The following KCNAB1 variants were observed in gnomAD, a reference collection of about 807,000 sequenced individuals.
KCNAB1 encodes the protein potassium voltage-gated channel subfamily A regulatory beta subunit 1, also known as voltage-gated potassium channel subunit beta-1.
Under a neutral mutation model 64.6 loss-of-function variants are expected in KCNAB1, and 35 were observed. The observed-to-expected ratio is 0.54, with a 90% confidence interval of 0.41 to 0.72. The LOEUF (loss-of-function observed/expected upper bound fraction) is 0.72. Ranked by LOEUF, KCNAB1 falls within the 30% of genes least tolerant of loss-of-function variation. The pLI, the probability that KCNAB1 is intolerant of heterozygous loss-of-function variation, is 0.00. For missense variants in KCNAB1, 401 were observed against 512.9 expected (o/e 0.78, Z 2.11); for synonymous variants, 177 against 183.8 (o/e 0.96, Z 0.30).
intron 1 of KCNAB1, among the ~76,000 whole-genome samples, chr3:156,271,222 A>C (rs536433488): frequency 1.3e-5 from 2 of 151,970 alleles, no homozygotes; most frequent in Non-Finnish European, 2.9e-5. Context: ...GAGTATTGAT[A>C]TCTCTCTCTA....
intron 2 of KCNAB1, among the ~76,000 whole-genome samples, chr3:156,429,233 G>A (rs960700707): frequency 6.6e-6 from 1 of 152,222 alleles, no homozygotes; most frequent in African/African-American, 2.4e-5. Context: ...ATAGAAAAAT[G>A]TGTGAACTGA....
At chr3:156,354,118 G>GTATATATA (rs1281835113) in intron 1 of KCNAB1, among the ~76,000 whole-genome samples, 2 of 99,950 alleles carry the variant, frequency 2.0e-5, no homozygotes, top group Non-Finnish European at 4.2e-5. Flanking sequence ...ATATGTGTGT[G>GTATATATA]TGTATATATA....
intron 1 of KCNAB1, among the ~76,000 whole-genome samples, chr3:156,372,077 A>C (rs1043945974): frequency 3.3e-5 from 5 of 152,282 alleles, no homozygotes; most frequent in African/African-American, 9.6e-5. Flanking sequence ...GGTTTAGAGG[A>C]CCTTACTGGT....
chr3:156,395,109 C>T lies in KCNAB1; in HGVS notation c.276-26507C>T, dbSNP rs142778504. On this transcript the variant is annotated intron_variant, in intron 1 of 13. Transcript: ENST00000490337. ...CTAATAGACCTGTGCTCTTTAATCC[C>T]AAGAGTGTTGTGATCGTTTTTCCAG... Among the ~76,000 whole-genome samples, 85 of 152,240 alleles carry T rather than the reference C, an allele frequency of 5.6e-4. No homozygotes were observed. The East Asian group carries it at 0.012, about 22-fold the overall frequency.
chr3:156,302,219 T>A (rs1721197868), intron 1 of KCNAB1, among the ~76,000 whole-genome samples: 1 of 152,200 alleles, frequency 6.6e-6, no homozygotes, highest in African/African-American at 2.4e-5. Flanking sequence ...CTTAAAGGAC[T>A]GCTGTGATAA....
chr3:156,413,947 A>G (rs890550594), intron 1 of KCNAB1, among the ~76,000 whole-genome samples: 1 of 152,232 alleles, frequency 6.6e-6, no homozygotes, highest in Non-Finnish European at 1.5e-5. Context: ...GCACATAGAG[A>G]AACAGGCATT....
chr3:156,158,315 A>G (rs1373357906), intron 1 of KCNAB1, among the ~76,000 whole-genome samples: 1 of 152,050 alleles, frequency 6.6e-6, no homozygotes, highest in African/African-American at 2.4e-5. Context: ...TTTTTGAGAT[A>G]AGGTGAGATA....
intron 1 of KCNAB1, among the ~76,000 whole-genome samples, chr3:156,173,028 G>GCT (rs1165078698): frequency 4.6e-5 from 7 of 152,326 alleles, no homozygotes; most frequent in African/African-American, 1.7e-4. Flanking sequence ...GGAAAGACAT[G>GCT]TAAGGCTCAT....
chr3:156,389,885 C>T (rs1712902637), intron 1 of KCNAB1, among the ~76,000 whole-genome samples: 1 of 152,152 alleles, frequency 6.6e-6, no homozygotes, highest in African/African-American at 2.4e-5. Flanking sequence ...TATAGCCACA[C>T]CCATTAATTT....
At chr3:156,290,230 C>A (rs114232822) in intron 1 of KCNAB1, among the ~76,000 whole-genome samples, 2,597 of 152,328 alleles carry the variant, frequency 0.017, 26 homozygotes, top group Non-Finnish European at 0.027. Context: ...AATATTTTGT[C>A]CTTCCCTCCC....
chr3:156,286,274 C>T (rs1287386361), intron 1 of KCNAB1, among the ~76,000 whole-genome samples: 2 of 152,198 alleles, frequency 1.3e-5, no homozygotes, highest in Non-Finnish European at 2.9e-5. Context: ...TCTTCAAACC[C>T]ATGTTTTAAG....
chr3:156,120,826 T>C lies in KCNAB1; in HGVS notation c.215T>C (p.Leu72Pro), dbSNP rs762827922. 1.2e-6 allele frequency: 2 copies of C among 1,614,182 alleles called. No homozygotes were observed. The highest frequency in any genetic ancestry group is 1.7e-6 in the Non-Finnish European group (2 of 1,180,034). The change falls in exon 1 of 14, where the codon CTA (leucine) becomes CCA (proline). Residue 72 changes from leucine to proline, a missense_variant. Coordinates refer to ENST00000490337, the MANE Select transcript of KCNAB1 (RefSeq NM_172160.3). ...LLREVEMNWY[L>P]KLCDLSSEHT... ...CGCGAAGTGGAGATGAACTGGTACC[T>C]AAAGCTCTGCGACCTGTCCAGCGAG...
At chr3:156,397,713 C>T (rs1034965588) in intron 1 of KCNAB1, among the ~76,000 whole-genome samples, 2 of 152,244 alleles carry the variant, frequency 1.3e-5, no homozygotes, top group African/African-American at 4.8e-5. Context: ...AGGGACCCAT[C>T]CTTTTACAGG....
chr3:156,274,299 C>T (rs1339416763), intron 1 of KCNAB1, among the ~76,000 whole-genome samples: 1 of 152,156 alleles, frequency 6.6e-6, no homozygotes, highest in Non-Finnish European at 1.5e-5. Context: ...ACATTTTCTC[C>T]TTCTCTCTTC....
intron 2 of KCNAB1, chr3:156,446,856 C>A (rs1421127074): frequency 6.6e-6 from 1 of 152,240 alleles, no homozygotes; most frequent in East Asian, 1.9e-4. Flanking sequence ...ATCCTTAGCA[C>A]AATAGCAGAG....
intron 1 of KCNAB1, among the ~76,000 whole-genome samples, chr3:156,257,236 T>C (rs1050442794): frequency 6.6e-6 from 1 of 152,130 alleles, no homozygotes; most frequent in African/African-American, 2.4e-5. Context: ...TAAATCTCCT[T>C]CTCCTTGTGA....
At chr3:156,167,415 C>T (rs895269212) in intron 1 of KCNAB1, among the ~76,000 whole-genome samples, 4 of 152,186 alleles carry the variant, frequency 2.6e-5, no homozygotes, top group African/African-American at 9.7e-5. Flanking sequence ...GATCAAATCA[C>T]TTCTGGAAAT....
At chr3:156,249,048 A>T (rs545618254) in intron 1 of KCNAB1, among the ~76,000 whole-genome samples, 34 of 150,832 alleles carry the variant, frequency 2.3e-4, no homozygotes, top group East Asian at 1.2e-3. Context: ...TTAATTTTTT[A>T]ATTTTTTTAT....
At chr3:156,160,836 G>T (rs1310737581) in intron 1 of KCNAB1, among the ~76,000 whole-genome samples, 1 of 152,234 alleles carries the variant, frequency 6.6e-6, no homozygotes, top group African/African-American at 2.4e-5. Context: ...ACATTAAGAG[G>T]TTGTCTAGAA....
Sources: allele counts gnomAD v4.1 joint callset (sites outside exome capture counted in the v4.1 genomes callset), GRCh38; gene constraint gnomAD v4.1.1; transcripts MANE v1.5; gene names NCBI Gene and HGNC (gene_info 2026-07-23, HGNC 2026-07-21).